The following LY96 variants were observed in gnomAD, a reference collection of about 807,000 sequenced individuals.
LY96 encodes myeloid differentiation protein-2.
LY96 carries 18 observed loss-of-function variants against 18.9 expected under a neutral mutation model. That is an observed-to-expected ratio of 0.95 (90% CI 0.66 to 1.41). The LOEUF (loss-of-function observed/expected upper bound fraction) is 1.41. Among genes scored for constraint, LY96 ranks in the 40% most tolerant of loss-of-function variants. The pLI, the probability that LY96 is intolerant of heterozygous loss-of-function variation, is 0.00. For missense variants in LY96, 175 were observed against 182.4 expected, an observed-to-expected ratio of 0.96 and a Z score of 0.23; for synonymous variants, 66 against 62.6, an observed-to-expected ratio of 1.06 and a Z score of -0.26.
At chr8:74,046,932 C>T in the LY96 span, among the ~76,000 whole-genome samples, 35 of 138,308 alleles carry the variant, frequency 2.5e-4, no homozygotes, top group African/African-American at 1.0e-3. Flanking sequence ...GACTGAGTCT[C>T]GCTCCGTCGC....
the LY96 span, among the ~76,000 whole-genome samples, chr8:74,060,370 T>C: frequency 1.3e-5 from 2 of 152,268 alleles, no homozygotes; most frequent in Admixed American, 6.5e-5. Context: ...AGGCCATTCT[T>C]AGCCTTCAGG....
chr8:74,093,903 T>G, the LY96 span, among the ~76,000 whole-genome samples: 1 of 152,208 alleles, frequency 6.6e-6, no homozygotes, highest in Non-Finnish European at 1.5e-5. Flanking sequence ...TAAGCACAGA[T>G]TCTAATTATT....
chr8:74,067,444 C>T, the LY96 span, among the ~76,000 whole-genome samples: 39 of 152,178 alleles, frequency 2.6e-4, no homozygotes, highest in African/African-American at 8.0e-4. Flanking sequence ...ACACTGGTCT[C>T]GAGGCTTCAA....
At chr8:74,022,805 T>C (rs1816796281) in intron 3 of LY96, among the ~76,000 whole-genome samples, 1 of 152,026 alleles carries the variant, frequency 6.6e-6, no homozygotes, top group South Asian at 2.1e-4. Flanking sequence ...GGTCTCAAAC[T>C]CCTCACCTCG....
At chr8:74,057,849 A>G in the LY96 span, among the ~76,000 whole-genome samples, 11 of 152,304 alleles carry the variant, frequency 7.2e-5, 1 homozygote, top group African/African-American at 2.4e-4. Context: ...AATCCAGGGG[A>G]TGAGGTGTTA....
intron 3 of LY96, among the ~76,000 whole-genome samples, chr8:74,022,016 C>T (rs1339666611): frequency 6.6e-6 from 1 of 151,708 alleles, no homozygotes; most frequent in African/African-American, 2.4e-5. Context: ...CACATGTATA[C>T]ATATGTAAGA....
At chr8:74,073,765 G>A in the LY96 span, among the ~76,000 whole-genome samples, 2 of 151,850 alleles carry the variant, frequency 1.3e-5, no homozygotes, top group African/African-American at 4.8e-5. Flanking sequence ...CTGGGTTCAA[G>A]CAATTCTCCT....
the LY96 span, among the ~76,000 whole-genome samples, chr8:74,064,828 GAC>G: frequency 1.3e-5 from 2 of 152,268 alleles, no homozygotes; most frequent in East Asian, 3.9e-4. Flanking sequence ...CACAGAAGAA[GAC>G]ACACAGTGTA....
At chr8:74,052,430 A>C in the LY96 span, 8 of 152,200 alleles carry the variant, frequency 5.3e-5, no homozygotes, top group South Asian at 1.7e-3. Flanking sequence ...TCTTTTCCTC[A>C]TCTAATATAG....
chr8:74,003,995 G>A (rs1346646198), intron 1 of LY96, among the ~76,000 whole-genome samples: 2 of 152,146 alleles, frequency 1.3e-5, no homozygotes, highest in Admixed American at 6.5e-5. Context: ...ATGGGGTGGT[G>A]AAGGGAACTG....
chr8:74,010,631 G>A (rs147799007), intron 3 of LY96, among the ~76,000 whole-genome samples: 50 of 151,996 alleles, frequency 3.3e-4, no homozygotes, highest in African/African-American at 1.1e-3. Flanking sequence ...AAATGGGAAA[G>A]TAAAACACAT....
At chr8:74,058,590 G>GC in the LY96 span, among the ~76,000 whole-genome samples, 1 of 151,536 alleles carries the variant, frequency 6.6e-6, no homozygotes, top group Non-Finnish European at 1.5e-5. Flanking sequence ...CGCAATCTCG[G>GC]CTCACTGCAA....
intron 3 of LY96, among the ~76,000 whole-genome samples, chr8:74,019,267 T>A (rs1816708188): frequency 6.6e-6 from 1 of 152,108 alleles, no homozygotes; most frequent in South Asian, 2.1e-4. Context: ...AAATACAAAC[T>A]ACTATCAGAG....
chr8:74,056,997 G>A, the LY96 span, among the ~76,000 whole-genome samples: 1 of 152,150 alleles, frequency 6.6e-6, no homozygotes, highest in East Asian at 1.9e-4. Flanking sequence ...ATAAGCATTA[G>A]CTTTATATGG....
intron 3 of LY96, among the ~76,000 whole-genome samples, chr8:74,011,858 CA>C (rs570734407): frequency 0.16 from 10,299 of 65,372 alleles, 621 homozygotes; most frequent in African/African-American, 0.35. Context: ...GACTCCATCT[CA>C]AAAAAAAAAA....
chr8:74,083,909 A>G, the LY96 span, among the ~76,000 whole-genome samples: 1 of 151,422 alleles, frequency 6.6e-6, no homozygotes, highest in East Asian at 2.0e-4. Flanking sequence ...CTTGTCTAGA[A>G]TTCCTGGGCT....
chr8:74,005,747 TCA>T (rs994116737), intron 2 of LY96, among the ~76,000 whole-genome samples: 1 of 152,204 alleles, frequency 6.6e-6, no homozygotes, highest in Non-Finnish European at 1.5e-5. Flanking sequence ...GGGCTGTATC[TCA>T]GTCTCTGTGC....
chr8:74,062,588 T>C, the LY96 span, among the ~76,000 whole-genome samples: 12 of 152,224 alleles, frequency 7.9e-5, no homozygotes, highest in Non-Finnish European at 1.3e-4. Context: ...TTCCTTTTTA[T>C]GGCTGCATAG....
the LY96 span, among the ~76,000 whole-genome samples, chr8:74,035,716 A>G: frequency 2.0e-5 from 3 of 152,218 alleles, no homozygotes; most frequent in African/African-American, 7.2e-5. Flanking sequence ...GAAGCCTGCT[A>G]CCTGGAGGCT....
Sources: gnomAD v4.1 joint callset for allele counts (sites outside exome capture counted in the v4.1 genomes callset) on GRCh38, gnomAD v4.1.1 for gene constraint, MANE v1.5 for transcripts, NCBI Gene and HGNC (gene_info 2026-07-23, HGNC 2026-07-21) for gene names.